The following PFKP variants were observed in gnomAD, a reference collection of about 807,000 sequenced individuals.
The protein encoded by PFKP is phosphofructokinase, platelet.
Under a neutral mutation model 94.3 loss-of-function variants are expected in PFKP, and 101 were observed. The observed-to-expected ratio is 1.07, with a 90% confidence interval of 0.91 to 1.26. PFKP has a LOEUF of 1.26. Ranked by LOEUF, PFKP falls within the 50% of genes most tolerant of loss-of-function variation. The pLI is 0.00. For missense variants in PFKP, 1,145 were observed against 1,103.3 expected (o/e 1.04, Z -0.53); for synonymous variants, 573 against 432.6 (o/e 1.32, Z -4.03).
chr10:3,103,464 TAG>T (rs1378910755), intron 4 of PFKP, among the ~76,000 whole-genome samples: 5 of 152,070 alleles, frequency 3.3e-5, no homozygotes, highest in African/African-American at 7.2e-5. Context: ...CTGGGCAACA[TAG>T]AGTGTGGGTC....
At chr10:3,096,056 C>G (rs1019609748) in intron 2 of PFKP, among the ~76,000 whole-genome samples, 1 of 152,200 alleles carries the variant, frequency 6.6e-6, no homozygotes, top group Non-Finnish European at 1.5e-5. Flanking sequence ...GTTTGCAGAG[C>G]AGTTTTCTTA....
intron 1 of PFKP, among the ~76,000 whole-genome samples, chr10:3,077,428 A>ATT (rs531950487): frequency 0.039 from 5,668 of 145,838 alleles, 167 homozygotes; most frequent in South Asian, 0.062. Flanking sequence ...TGCCCGGCTA[A>ATT]TTTTTTTTTT....
At chr10:3,083,165 A>T (rs755158221) in intron 2 of PFKP, among the ~76,000 whole-genome samples, 1 of 152,216 alleles carries the variant, frequency 6.6e-6, no homozygotes, top group African/African-American at 2.4e-5. Flanking sequence ...TGTAGGCTGA[A>T]TTTGAATACA....
chr10:3,131,855 C>A (rs1276041822), intron 17 of PFKP, among the ~76,000 whole-genome samples: 1 of 152,106 alleles, frequency 6.6e-6, no homozygotes, highest in Non-Finnish European at 1.5e-5. Context: ...AGAATTACCT[C>A]CCTCTTGTAA....
At chr10:3,113,662 T>A in intron 13 of PFKP, 144 bp downstream of exon 13, 1 of 681,566 alleles carries the variant, frequency 1.5e-6, no homozygotes. Context: ...GAAGCATTGC[T>A]TCTGGAGTAA....
At chr10:3,107,956 G>C (rs151300480) in intron 8 of PFKP, 11 of 1,289,586 alleles carry the variant, frequency 8.5e-6, no homozygotes, top group Non-Finnish European at 1.0e-5. Flanking sequence ...GGCAGAAGAC[G>C]TCCCCACCTG....
intron 16 of PFKP, among the ~76,000 whole-genome samples, chr10:3,122,683 G>A (rs528303281): frequency 6.6e-6 from 1 of 152,346 alleles, no homozygotes; most frequent in Non-Finnish European, 1.5e-5. Flanking sequence ...CACCCTCTGT[G>A]ACTGGTGACT....
intron 2 of PFKP, among the ~76,000 whole-genome samples, chr10:3,083,233 G>A (rs748197805): frequency 2.6e-4 from 39 of 152,200 alleles, no homozygotes; most frequent in Non-Finnish European, 4.8e-4. Flanking sequence ...ATGTAAGGTG[G>A]AAACGATGCC....
intron 16 of PFKP, among the ~76,000 whole-genome samples, chr10:3,121,203 G>C (rs1837362703): frequency 6.6e-6 from 1 of 152,166 alleles, no homozygotes; most frequent in Non-Finnish European, 1.5e-5. Context: ...ACTGGCTTTG[G>C]GGGCAACTTT....
At chr10:3,105,226 G>A in intron 6 of PFKP, 67 bp downstream of exon 6, 1 of 1,464,082 alleles carries the variant, frequency 6.8e-7, no homozygotes, top group Non-Finnish European at 9.6e-7. Context: ...ATCTCCCTGA[G>A]GCTGCACCCC....
intron 6 of PFKP, 105 bp downstream of exon 6, chr10:3,105,264 C>T (rs4271292): frequency 0.28 from 379,176 of 1,358,996 alleles, 54,805 homozygotes; most frequent in East Asian, 0.48. Flanking sequence ...GTGGAAAGTC[C>T]TGAAGGGGCC....
chr10:3,135,680 C>A lies in PFKP; in HGVS notation c.2123-56C>A, dbSNP rs966502951. On this transcript the variant is annotated intron_variant, in intron 20 of 21. Transcript: ENST00000381125. ...TCTCATCTCGCCCCGTGATTCTGCT[C>A]CCCCACCTGCCCATGTTGACAGGGT... 78 of 1,059,200 alleles carry A rather than the reference C, an allele frequency of 7.4e-5. No homozygotes were observed. The Admixed American group carries it at 1.4e-3, about 19-fold the overall frequency. 65.6% of individuals were successfully genotyped at this position (1,059,200 alleles called of 1,614,324 possible).
chr10:3,129,500 T>A (rs1242329650), intron 16 of PFKP: 6 of 323,192 alleles, frequency 1.9e-5, no homozygotes, highest in Non-Finnish European at 3.5e-5. Flanking sequence ...CAGCGTGGAG[T>A]GAGCTGGCTT....
intron 10 of PFKP, 151 bp downstream of exon 10, chr10:3,109,631 AG>A: frequency 1.1e-6 from 1 of 916,580 alleles, no homozygotes; most frequent in Non-Finnish European, 1.7e-6. Flanking sequence ...GTGGGGAGGG[AG>A]AAGGCTTATG....
intron 17 of PFKP, among the ~76,000 whole-genome samples, chr10:3,131,061 GTTT>G (rs5782687): frequency 0.26 from 39,469 of 151,740 alleles, 5,337 homozygotes; most frequent in East Asian, 0.45. Flanking sequence ...AACAGGTGCA[GTTT>G]TTTATCTTTT....
At chr10:3,092,986 G>C (rs1834170428) in intron 2 of PFKP, among the ~76,000 whole-genome samples, 1 of 148,446 alleles carries the variant, frequency 6.7e-6, no homozygotes, top group South Asian at 2.2e-4. Flanking sequence ...TAGGGGGGTG[G>C]CCATGGAAGC....
intron 2 of PFKP, among the ~76,000 whole-genome samples, chr10:3,090,291 G>C (rs930647752): frequency 6.6e-6 from 1 of 152,220 alleles, no homozygotes; most frequent in Admixed American, 6.5e-5. Flanking sequence ...CCTGCAGGAC[G>C]TACTGCAGTG....
At chr10:3,112,919 A>G (rs141374319) in intron 11 of PFKP, among the ~76,000 whole-genome samples, 200 bp from the exon 12 acceptor site, 223 of 152,316 alleles carry the variant, frequency 1.5e-3, no homozygotes, top group Middle Eastern at 3.4e-3. Flanking sequence ...CTCTTAGTCC[A>G]TTTCCACCAG....
In PFKP at chr10:3,113,600, T is replaced by C; in HGVS notation, c.1371+82T>C. The C allele has an allele frequency of 3.3e-6, 4 of 1,207,240 alleles. No homozygotes were observed. In the South Asian group the frequency reaches 4.2e-5, roughly 13 times the overall value. The allele number at this position is 1,207,240 out of a possible 1,614,324, so 74.8% of individuals were successfully genotyped here. ...CGTGGCGGCGGGGGGGTGCCCTCCA[T>C]GGCCCTCATACCTTTTCATGCCTCA... On this transcript the variant is annotated intron_variant, in intron 13 of 21. Transcript: ENST00000381125.
Sources: allele counts gnomAD v4.1 joint callset (sites outside exome capture counted in the v4.1 genomes callset), GRCh38; gene constraint gnomAD v4.1.1; transcripts MANE v1.5; gene names NCBI Gene and HGNC (gene_info 2026-07-23, HGNC 2026-07-21).